TTC7B: variants seen among roughly 807,000 people sequenced by gnomAD.
TTC7B encodes tetratricopeptide repeat domain 7B, also known as tetratricopeptide repeat protein 7B.
In TTC7B, 28 loss-of-function variants were observed where a neutral mutation model predicts 106.8. That is an observed-to-expected ratio of 0.26 (90% CI 0.19 to 0.36). The LOEUF (loss-of-function observed/expected upper bound fraction) is 0.36, where lower values mean the gene tolerates loss of function less well. TTC7B is among the 10% of genes least tolerant of loss of function. The pLI is 1.00. For missense variants in TTC7B, 862 were observed against 1,076.4 expected, an observed-to-expected ratio of 0.80 and a Z score of 2.79; for synonymous variants, 405 against 430.6, an observed-to-expected ratio of 0.94 and a Z score of 0.74.
rs1469900554 is a variant in TTC7B, at chr14:90,652,085, C to A, written c.1517+756G>T. Among the ~76,000 whole-genome samples the A allele has an allele frequency of 2.0e-5, 3 of 152,212 alleles. 1 individual carries two copies. In the South Asian group the frequency reaches 6.2e-4, roughly 32 times the overall value. ...ACCTGTAACAAGAATAAAATGAGGG[C>A]AGTGTAGTATGGTGGGGCAGGAGAA... On this transcript the variant is annotated intron_variant, in intron 13 of 19. Coordinates refer to ENST00000328459, the MANE Select transcript of TTC7B (RefSeq NM_001010854.2).
At chr14:90,661,709 G>A (rs1886215060) in intron 9 of TTC7B, among the ~76,000 whole-genome samples, 1 of 152,180 alleles carries the variant, frequency 6.6e-6, no homozygotes, top group Non-Finnish European at 1.5e-5. Flanking sequence ...AATATACTTA[G>A]TAAGTACTTA....
chr14:90,605,772 A>AGAGAAAAAAAGGGTGAAGGC (rs1892614580), intron 17 of TTC7B: 1 of 1,240,668 alleles, frequency 8.1e-7, no homozygotes, highest in Admixed American at 3.3e-5. Flanking sequence ...AAAAAGTGAA[A>AGAGAAAAAAAGGGTGAAGGC]GAGAAAAAAA....
chr14:90,786,552 T>C (rs1891396623), intron 1 of TTC7B, among the ~76,000 whole-genome samples: 1 of 152,102 alleles, frequency 6.6e-6, no homozygotes, highest in Admixed American at 6.5e-5. Flanking sequence ...AGGTGTTGGC[T>C]CAAACACTCC....
chr14:90,692,497 A>G (rs1239514464), intron 6 of TTC7B, among the ~76,000 whole-genome samples: 1 of 152,258 alleles, frequency 6.6e-6, no homozygotes, highest in Non-Finnish European at 1.5e-5. Context: ...CTGCTTATGA[A>G]TGTCATTAGA....
chr14:90,665,626 G>A (rs139490361), intron 9 of TTC7B, among the ~76,000 whole-genome samples: 34 of 152,332 alleles, frequency 2.2e-4, no homozygotes, highest in African/African-American at 7.5e-4. Flanking sequence ...TCCCACTGGG[G>A]AGGGGGCAGA....
At position 90,611,221 on chromosome 14, in the gene TTC7B, G is replaced by A. The variant is rs59145147; in HGVS notation, c.1869-382C>T. ...GTGAGTCCATGAACACGCCATCCATGAAGAGTTGTCTTCATGAACCAATGC... is the reference window on the plus strand; with the variant it reads ...GTGAGTCCATGAACACGCCATCCATAAAGAGTTGTCTTCATGAACCAATGC... On this transcript the variant is annotated intron_variant, in intron 16 of 19. Coordinates refer to ENST00000328459, the MANE Select transcript of TTC7B (RefSeq NM_001010854.2). 1.9e-3 allele frequency among the ~76,000 whole-genome samples: 293 copies of A among 152,288 alleles called. 1 individual carries two copies. The highest frequency in any genetic ancestry group is 6.5e-3 in the African/African-American group (272 of 41,562).
chr14:90,715,973 T>A (rs191680714), intron 5 of TTC7B, among the ~76,000 whole-genome samples: 1 of 152,338 alleles, frequency 6.6e-6, no homozygotes, highest in Admixed American at 6.5e-5. Flanking sequence ...TTTCACAGGG[T>A]GATATAATTA....
chr14:90,609,039 C>A (rs1367831816), intron 17 of TTC7B, among the ~76,000 whole-genome samples: 1 of 152,236 alleles, frequency 6.6e-6, no homozygotes, highest in Admixed American at 6.5e-5. Flanking sequence ...ATGTCCGAGC[C>A]TCACCTTGCA....
At chr14:90,542,161 G>A (rs892237442) in intron 19 of TTC7B, among the ~76,000 whole-genome samples, 13 of 152,058 alleles carry the variant, frequency 8.5e-5, no homozygotes, top group East Asian at 1.9e-4. Flanking sequence ...GGATGGTCTC[G>A]ATCTCCTGAC....
rs1193792111 is a variant in TTC7B, at chr14:90,728,233, C to G, written c.698+1842G>C. ...TGGCCCAGGGCTGGGAGTGGTGGCT[C>G]ATGCCGGTAATCCTAACACTTAGGG... On this transcript the variant is annotated intron_variant, in intron 5 of 19. Transcript: ENST00000328459. 2.0e-5 allele frequency among the ~76,000 whole-genome samples: 3 copies of G among 148,694 alleles called. No individual in the cohort carries two copies. The South Asian group carries it at 6.4e-4, about 32-fold the overall frequency.
chr14:90,731,623 C>T (rs1458011135), intron 4 of TTC7B, among the ~76,000 whole-genome samples: 1 of 152,192 alleles, frequency 6.6e-6, no homozygotes, highest in Non-Finnish European at 1.5e-5. Flanking sequence ...GCTCTGCACC[C>T]CTGACTCTCC....
At chr14:90,668,436 T>A (rs79673775) in intron 9 of TTC7B, among the ~76,000 whole-genome samples, 1 of 152,072 alleles carries the variant, frequency 6.6e-6, no homozygotes. Flanking sequence ...CAGGGCTGAA[T>A]TTTTTTTACT....
chr14:90,644,029 A>G lies in TTC7B; in HGVS notation c.1751+19T>C, dbSNP rs1484136065. ...AATAACTTCTGAGTAAGGGAAAACC[A>G]AAGCCCAGGATCACTTACATGAAAT... On this transcript the variant is annotated intron_variant, in intron 15 of 19. Coordinates refer to ENST00000328459, the MANE Select transcript of TTC7B (RefSeq NM_001010854.2). 6.2e-7 allele frequency: 1 copy of G among 1,614,034 alleles called. No homozygotes were observed. The highest frequency in any genetic ancestry group is 8.5e-7 in the Non-Finnish European group (1 of 1,179,996).
chr14:90,632,889 T>C (rs1004049812), intron 15 of TTC7B, among the ~76,000 whole-genome samples: 4 of 152,214 alleles, frequency 2.6e-5, no homozygotes, highest in Non-Finnish European at 5.9e-5. Context: ...CCTGTCACAA[T>C]GCGGGGTATA....
chr14:90,709,346 C>T (rs1373915397), intron 5 of TTC7B, among the ~76,000 whole-genome samples: 19 of 151,410 alleles, frequency 1.3e-4, no homozygotes, highest in Admixed American at 6.6e-5. Flanking sequence ...CCATGGAATA[C>T]TATGCAGCCA....
In TTC7B at chr14:90,744,832, G is replaced by C. The variant is rs1475280671; in HGVS notation, c.536C>G (p.Ala179Gly). ...EQDVITCYEK[A>G]GDIALLYLQE... ...GAGATACAGGAGTGCGATGTCCCCT[G>C]CTTTCTCATAACAGGTGATGACATC... Residue 179 changes from alanine (A) to glycine (G), a missense_variant, in exon 4 of 20, where the codon GCA becomes GGA. Physicochemically the swap from Ala to Gly is moderately conservative, Grantham distance 60 (BLOSUM62 0). Coordinates refer to ENST00000328459, the MANE Select transcript of TTC7B (RefSeq NM_001010854.2). 2.5e-6 allele frequency: 4 copies of C among 1,613,922 alleles called. No individual in the cohort carries two copies. Among genetic ancestry groups the C allele is most frequent in the Non-Finnish European group, 2.5e-6 (3 of 1,179,966 alleles).
intron 5 of TTC7B, among the ~76,000 whole-genome samples, chr14:90,712,979 A>C (rs926184085): frequency 9.2e-5 from 14 of 152,274 alleles, no homozygotes; most frequent in African/African-American, 3.4e-4. Context: ...GTTTATGTTA[A>C]ATTATTTTTT....
chr14:90,575,013 C>T lies in TTC7B; in HGVS notation c.2310+3093G>A, dbSNP rs139504875. Among the ~76,000 whole-genome samples, 76 of 152,286 alleles carry T rather than the reference C, an allele frequency of 5.0e-4. 1 individual carries two copies. Among genetic ancestry groups the T allele is most frequent in the Admixed American group, 2.9e-3 (45 of 15,310 alleles). ...CTGGCCTCCCTGGCCTCCCCCTCGC[C>T]GCTCTCCCTGTGTGCCAGGCAACTG... is the stretch of plus-strand genomic sequence containing the variant. On this transcript the variant is annotated intron_variant, in intron 19 of 19. Transcript: ENST00000328459. The surrounding 1 kb of genome is among the most constrained non-coding windows in gnomAD (Gnocchi z 5.2).
chr14:90,544,210 TG>T (rs1889727658), intron 19 of TTC7B, among the ~76,000 whole-genome samples: 1 of 152,252 alleles, frequency 6.6e-6, no homozygotes, highest in South Asian at 2.1e-4. Flanking sequence ...CTCCCCCGTC[TG>T]GGAACAGCAG....
Sources: allele counts gnomAD v4.1 joint callset (sites outside exome capture counted in the v4.1 genomes callset), GRCh38; gene constraint gnomAD v4.1.1; non-coding constraint Gnocchi (gnomAD v3.1); transcripts MANE v1.5; gene names NCBI Gene and HGNC (gene_info 2026-07-23, HGNC 2026-07-21).